The following PKIB variants were observed in gnomAD, a reference collection of about 807,000 sequenced individuals.
PKIB encodes PKI-beta.
PKIB carries 2 observed loss-of-function variants against 4.5 expected under a neutral mutation model. That is an observed-to-expected ratio of 0.44 (90% confidence interval 0.18 to 1.39). The LOEUF (loss-of-function observed/expected upper bound fraction) is 1.39. Among genes scored for constraint, PKIB ranks in the 40% most tolerant of loss-of-function variants. The pLI is 0.27. For missense variants in PKIB, 94 were observed against 92.6 expected, an observed-to-expected ratio of 1.02 and a Z score of -0.06; for synonymous variants, 38 against 36.0, an observed-to-expected ratio of 1.06 and a Z score of -0.20.
chr6:122,724,407 C>T (rs1372804999), intron 4 of PKIB, among the ~76,000 whole-genome samples: 1 of 152,102 alleles, frequency 6.6e-6, no homozygotes, highest in Non-Finnish European at 1.5e-5. Flanking sequence ...CATAGGGCTC[C>T]TTGATTAGAA....
chr6:122,718,726 T>G (rs1779606255), intron 4 of PKIB, among the ~76,000 whole-genome samples: 1 of 152,154 alleles, frequency 6.6e-6, no homozygotes. Flanking sequence ...CAGAAGCCGC[T>G]TGCATCTAAC....
chr6:122,606,583 A>G (rs1394907442), upstream of PKIB, among the ~76,000 whole-genome samples: 2 of 151,890 alleles, frequency 1.3e-5, no homozygotes, highest in East Asian at 1.9e-4. Context: ...AAAAAGAAAA[A>G]AAAAGCTAGA....
chr6:122,614,502 T>C lies in PKIB; in HGVS notation c.-161+3967T>C, dbSNP rs140628379. Among the ~76,000 whole-genome samples, 21 of 152,222 alleles carry C rather than the reference T, an allele frequency of 1.4e-4. No individual in the cohort carries two copies. The East Asian group carries it at 3.5e-3, about 25-fold the overall frequency. ...GCTGTTGAAAGTATTCTTATCCCCG[T>C]GGGGGTGTGGGAGTAAGCATCCCCA... On this transcript the variant is annotated intron_variant, in intron 1 of 4. Coordinates refer to ENST00000368452, the MANE Select transcript of PKIB (RefSeq NM_181795.3).
chr6:122,626,935 C>G (rs992775688), intron 1 of PKIB, among the ~76,000 whole-genome samples: 7 of 151,914 alleles, frequency 4.6e-5, no homozygotes, highest in African/African-American at 1.4e-4. Flanking sequence ...TTTCTAAACT[C>G]TGAGTAACAA....
chr6:122,561,994 GTTTTTTTTTGTT>G lies in PKIB; in HGVS notation c.-247-23917_-247-23906del, dbSNP rs1031454570. Among the ~76,000 whole-genome samples the G allele has an allele frequency of 2.0e-4, 8 of 40,918 alleles. 1 individual carries two copies. The highest frequency in any genetic ancestry group is 1.3e-3 in the South Asian group (1 of 744). 26.8% of individuals were successfully genotyped at this position (40,918 alleles called of 152,430 possible). On this transcript the variant is annotated intron_variant, in intron 2 of 6. Coordinates refer to the PKIB transcript ENST00000392491. Reference sequence around the variant, plus strand: ...GCATAGTTTTTTTTTGTTTGTTTTTGTTTTTTTTTGTTTTTTTTTTTTTTTGCTTTTTAACTT... The same window carrying G: ...GCATAGTTTTTTTTTGTTTGTTTTTGTTTTTTTTTTTTTGCTTTTTAACTT...
At chr6:122,545,561 G>A (rs767039770) in intron 2 of PKIB, among the ~76,000 whole-genome samples, 4 of 150,812 alleles carry the variant, frequency 2.7e-5, no homozygotes, top group East Asian at 4.1e-4. Flanking sequence ...CATAATACCC[G>A]ATAGGTAGTT....
At chr6:122,617,382 G>A (rs1259475520) in intron 1 of PKIB, among the ~76,000 whole-genome samples, 1 of 152,192 alleles carries the variant, frequency 6.6e-6, no homozygotes. Context: ...TCAGCTCCCT[G>A]AGATGCTTGT....
At chr6:122,580,561 A>G (rs187443684) in intron 2 of PKIB, among the ~76,000 whole-genome samples, 90 of 152,260 alleles carry the variant, frequency 5.9e-4, no homozygotes, top group African/African-American at 2.1e-3. Flanking sequence ...GTTTGCCTAC[A>G]TAGGGTTTGC....
chr6:122,692,677 C>T (rs146901338), intron 3 of PKIB, among the ~76,000 whole-genome samples: 1,616 of 152,266 alleles, frequency 0.011, 31 homozygotes, highest in African/African-American at 0.036. Context: ...GGTGCTCTAC[C>T]CCACTGTGGT....
chr6:122,527,399 A>T (rs974712678), intron 2 of PKIB, among the ~76,000 whole-genome samples: 3 of 151,918 alleles, frequency 2.0e-5, no homozygotes, highest in African/African-American at 7.3e-5. Context: ...ATGCTTTTCC[A>T]TTAAGCTTAA....
intron 4 of PKIB, among the ~76,000 whole-genome samples, chr6:122,720,492 C>T (rs541895912): frequency 6.6e-6 from 1 of 152,012 alleles, no homozygotes; most frequent in East Asian, 1.9e-4. Flanking sequence ...TGGAGGATAA[C>T]TCCTAGAGCA....
intron 1 of PKIB, among the ~76,000 whole-genome samples, chr6:122,475,874 G>A (rs1180253099): frequency 6.6e-6 from 1 of 152,118 alleles, no homozygotes; most frequent in Non-Finnish European, 1.5e-5. Flanking sequence ...GTGTAACCTA[G>A]AATCAGTGTG....
chr6:122,685,714 C>CA (rs1373731053), intron 3 of PKIB, among the ~76,000 whole-genome samples: 2 of 152,068 alleles, frequency 1.3e-5, no homozygotes, highest in Admixed American at 6.5e-5. Flanking sequence ...TGACTATAGT[C>CA]ATCCTGTTGT....
rs1779097713 is a variant in PKIB, at chr6:122,707,198, A to AT, written c.-8-10581dup. ...TAAAGTTGTTTGCCCTTTGGTTGGG[A>AT]TTTTTTTTCCTCTATGACCCAGAAA... On this transcript the variant is annotated intron_variant, in intron 3 of 4. Coordinates refer to ENST00000368452, the MANE Select transcript of PKIB (RefSeq NM_181795.3). Among the ~76,000 whole-genome samples the AT allele has an allele frequency of 2.6e-5, 4 of 151,724 alleles. No homozygotes were observed. The South Asian group carries it at 6.2e-4, about 24-fold the overall frequency.
chr6:122,620,216 GA>G (rs1216935738), intron 1 of PKIB, among the ~76,000 whole-genome samples: 1 of 152,080 alleles, frequency 6.6e-6, no homozygotes, highest in Non-Finnish European at 1.5e-5. Context: ...CTCCTGTTCT[GA>G]ACACTCTAGT....
chr6:122,568,672 A>T (rs1773265637), intron 2 of PKIB, among the ~76,000 whole-genome samples: 1 of 152,200 alleles, frequency 6.6e-6, no homozygotes, highest in Admixed American at 6.5e-5. Flanking sequence ...CAGGTGAAAG[A>T]AGCTCCCCAC....
intron 2 of PKIB, among the ~76,000 whole-genome samples, chr6:122,505,644 C>T (rs1219791808): frequency 2.6e-5 from 4 of 152,106 alleles, no homozygotes; most frequent in South Asian, 2.1e-4. Context: ...TTGAATGACC[C>T]TGAGTCCCTT....
At chr6:122,611,850 G>A (rs1297349525) in intron 1 of PKIB, among the ~76,000 whole-genome samples, 1 of 152,120 alleles carries the variant, frequency 6.6e-6, no homozygotes, top group Non-Finnish European at 1.5e-5. Flanking sequence ...TTAGTGTGCC[G>A]GGTGCTGGTC....
intron 3 of PKIB, among the ~76,000 whole-genome samples, chr6:122,597,899 C>T (rs181025408): frequency 2.6e-5 from 4 of 152,256 alleles, no homozygotes; most frequent in East Asian, 1.9e-4. Flanking sequence ...ACCTGACCTC[C>T]GTAAGCCCCT....
Sources: gnomAD v4.1 joint callset for allele counts (sites outside exome capture counted in the v4.1 genomes callset) on GRCh38, gnomAD v4.1.1 for gene constraint, MANE v1.5 for transcripts, NCBI Gene and HGNC (gene_info 2026-07-23, HGNC 2026-07-21) for gene names.